The following RNF115 variants were observed in gnomAD, a reference collection of about 807,000 sequenced individuals.
The protein encoded by RNF115 is ring finger protein 115.
RNF115 carries 31 observed loss-of-function variants against 39.2 expected under a neutral mutation model. That is an observed-to-expected ratio of 0.79 (90% CI 0.59 to 1.07). The LOEUF (loss-of-function observed/expected upper bound fraction) is 1.07. Ranked by LOEUF, RNF115 falls within the 50% of genes least tolerant of loss-of-function variation. The pLI, the probability that RNF115 is intolerant of heterozygous loss-of-function variation, is 0.00. For synonymous variants in RNF115, 124 were observed against 131.0 expected, an observed-to-expected ratio of 0.95 and a Z score of 0.37; for missense variants, 384 against 381.7, an observed-to-expected ratio of 1.01 and a Z score of -0.05.
At chr1:145,807,402 A>G (rs781936851) in intron 1 of RNF115, among the ~76,000 whole-genome samples, 7 of 152,232 alleles carry the variant, frequency 4.6e-5, no homozygotes, top group Non-Finnish European at 8.8e-5. Context: ...GGATGCTAAT[A>G]TAATATTAAA....
At chr1:145,803,412 C>G (rs1649333946) in intron 1 of RNF115, among the ~76,000 whole-genome samples, 1 of 152,134 alleles carries the variant, frequency 6.6e-6, no homozygotes, top group African/African-American at 2.4e-5. Context: ...TATTTTGAGA[C>G]TGAGTCTCAC....
intron 4 of RNF115, among the ~76,000 whole-genome samples, chr1:145,768,217 A>T (rs1647466386): frequency 6.6e-6 from 1 of 152,238 alleles, no homozygotes. Context: ...CTGGGCTCAC[A>T]GGAGATGCCC....
In RNF115 at chr1:145,741,516, T is replaced by A. The variant is rs1299804072; in HGVS notation, c.*5350A>T. 6.6e-6 allele frequency: 1 copy of A among 152,186 alleles called. No homozygotes were observed. Among genetic ancestry groups the A allele is most frequent in the African/African-American group, 2.4e-5 (1 of 41,426 alleles). The allele number at this position is 152,186 out of a possible 1,614,324, so 9.4% of individuals were successfully genotyped here. On this transcript the variant is annotated 3_prime_UTR_variant, in exon 9 of 9. Coordinates refer to ENST00000582693, the MANE Select transcript of RNF115 (RefSeq NM_014455.4). ...GCAGCTCAGTGGCTCGCTGGCTGAA[T>A]ACTGAGACACTGACATTACTGCAGG...
chr1:145,780,480 C>T (rs1265073074), intron 3 of RNF115, among the ~76,000 whole-genome samples: 3 of 151,372 alleles, frequency 2.0e-5, no homozygotes, highest in Admixed American at 6.6e-5. Context: ...ATTAGCCAGG[C>T]GTGGTGGCAC....
intron 1 of RNF115, among the ~76,000 whole-genome samples, chr1:145,794,193 C>G (rs587629518): frequency 6.6e-6 from 1 of 152,130 alleles, no homozygotes; most frequent in East Asian, 1.9e-4. Flanking sequence ...TAGTCCTTTC[C>G]AATCTGAAAT....
chr1:145,791,608 C>T (rs1330569710), intron 1 of RNF115, among the ~76,000 whole-genome samples: 1 of 151,986 alleles, frequency 6.6e-6, no homozygotes, highest in African/African-American at 2.4e-5. Context: ...TATTTCTATT[C>T]TATCTTCTGT....
At chr1:145,777,363 A>T (rs1647932719) in intron 3 of RNF115, among the ~76,000 whole-genome samples, 1 of 152,226 alleles carries the variant, frequency 6.6e-6, no homozygotes. Context: ...TTTCTAAAGG[A>T]TCCATGCTTA....
intron 1 of RNF115, among the ~76,000 whole-genome samples, chr1:145,794,498 CTT>C (rs1258360617): frequency 1.7e-5 from 2 of 114,928 alleles, no homozygotes; most frequent in Non-Finnish European, 3.6e-5. Flanking sequence ...CATCTAATCT[CTT>C]TCTTTTTTTT....
chr1:145,803,140 T>C (rs1649323796), intron 1 of RNF115, among the ~76,000 whole-genome samples: 1 of 152,212 alleles, frequency 6.6e-6, no homozygotes, highest in Non-Finnish European at 1.5e-5. Flanking sequence ...AGAGAAAGTT[T>C]CCAGTCTAAA....
intron 8 of RNF115, among the ~76,000 whole-genome samples, chr1:145,747,558 A>C (rs1001677110): frequency 6.6e-6 from 1 of 152,074 alleles, no homozygotes; most frequent in African/African-American, 2.4e-5. Flanking sequence ...CACAAGAATC[A>C]CTTGAAACCA....
intron 1 of RNF115, among the ~76,000 whole-genome samples, chr1:145,792,443 A>G (rs1252997592): frequency 6.6e-6 from 1 of 152,146 alleles, no homozygotes; most frequent in Non-Finnish European, 1.5e-5. Context: ...TCATCCTCCC[A>G]AAGTGCTGGG....
chr1:145,800,660 T>C (rs968431476), intron 1 of RNF115, among the ~76,000 whole-genome samples: 4 of 152,144 alleles, frequency 2.6e-5, no homozygotes, highest in Admixed American at 6.5e-5. Context: ...AAACACCATC[T>C]TGGATCCAGC....
rs1657720453 is a variant in RNF115, at chr1:145,742,546, A to G, written c.*4320T>C. The G allele has an allele frequency of 1.3e-5, 2 of 152,244 alleles. No individual in the cohort carries two copies. The highest frequency in any genetic ancestry group is 4.1e-4 in the South Asian group (2 of 4,834). The allele number at this position is 152,244 out of a possible 1,614,324, so 9.4% of individuals were successfully genotyped here. On this transcript the variant is annotated 3_prime_UTR_variant, in exon 9 of 9. Coordinates refer to ENST00000582693, the MANE Select transcript of RNF115 (RefSeq NM_014455.4). ...GAGAACTCAGGGAAACAAAGACCCT[A>G]AAGGTTATGTACAATGAGAGAATCA...
intron 1 of RNF115, among the ~76,000 whole-genome samples, chr1:145,805,065 C>A (rs1553721419): frequency 6.6e-6 from 1 of 151,926 alleles, no homozygotes; most frequent in Admixed American, 6.6e-5. Context: ...AACCATCTAC[C>A]ATCACCATTT....
intron 1 of RNF115, among the ~76,000 whole-genome samples, chr1:145,795,130 T>C (rs587675483): frequency 1.3e-5 from 2 of 151,114 alleles, no homozygotes; most frequent in East Asian, 3.9e-4. Context: ...ACTTCAGGAG[T>C]GAAGCCGCAG....
chr1:145,776,509 G>T (rs1376353736), intron 3 of RNF115, among the ~76,000 whole-genome samples: 1 of 151,976 alleles, frequency 6.6e-6, no homozygotes, highest in Non-Finnish European at 1.5e-5. Context: ...TATATAAGCT[G>T]AAGAACAAAG....
rs1299337656 is a variant in RNF115 at position 145,776,175 on chromosome 1, T to TTA, written c.220-4257_220-4256insTA. Among the ~76,000 whole-genome samples, 714 of 148,994 alleles carry TTA rather than the reference T, an allele frequency of 4.8e-3. 6 individuals carry two copies. Among genetic ancestry groups the TTA allele is most frequent in the African/African-American group, 0.015 (599 of 40,398 alleles). ...CTACTCTGACCAACATTTTTTTTTT[T>TTA]TTTTTTTGAGAAGGAGTCTCGCTCT... On this transcript the variant is annotated intron_variant, in intron 3 of 8. Transcript: ENST00000582693.
At chr1:145,804,100 G>A (rs1297017647) in intron 1 of RNF115, among the ~76,000 whole-genome samples, 2 of 152,170 alleles carry the variant, frequency 1.3e-5, no homozygotes. Flanking sequence ...GTACTTTCTT[G>A]CTTTTAGCTT....
At chr1:145,794,502 CTTTTTTT>C (rs57242475) in intron 1 of RNF115, among the ~76,000 whole-genome samples, 28 of 81,118 alleles carry the variant, frequency 3.5e-4, no homozygotes, top group Admixed American at 1.6e-3. Context: ...TAATCTCTTT[CTTTTTTT>C]TTTTTTTTTT....
Sources: gnomAD v4.1 joint callset for allele counts (sites outside exome capture counted in the v4.1 genomes callset) on GRCh38, gnomAD v4.1.1 for gene constraint, MANE v1.5 for transcripts, NCBI Gene and HGNC (gene_info 2026-07-23, HGNC 2026-07-21) for gene names.